MAML3: variants seen among roughly 807,000 people sequenced by gnomAD.
MAML3 encodes mastermind-like protein 3.
MAML3 carries 27 observed loss-of-function variants against 101.9 expected under a neutral mutation model. The observed-to-expected ratio is 0.27, with a 90% CI of 0.20 to 0.37. The LOEUF is 0.37. Ranked by LOEUF, MAML3 falls within the 10% of genes least tolerant of loss-of-function variation. The probability of loss-of-function intolerance (pLI) is 1.00; values close to 1 mark genes in which losing one functional copy is unlikely to be tolerated. For synonymous variants in MAML3, 501 were observed against 555.9 expected, an observed-to-expected ratio of 0.90 and a Z score of 1.39; for missense variants, 1,316 against 1,444.9, an observed-to-expected ratio of 0.91 and a Z score of 1.45.
At chr4:139,824,507 G>A (rs964799061) in intron 2 of MAML3, among the ~76,000 whole-genome samples, 1 of 152,176 alleles carries the variant, frequency 6.6e-6, no homozygotes, top group African/African-American at 2.4e-5. Context: ...TATACAGATG[G>A]CTCTCTTAGG....
chr4:139,874,805 C>CTTTTTTTT (rs35089838), intron 2 of MAML3, among the ~76,000 whole-genome samples: 1 of 133,118 alleles, frequency 7.5e-6, no homozygotes, highest in Non-Finnish European at 1.6e-5. Flanking sequence ...CCTATCTTTC[C>CTTTTTTTT]TTTTTTTTTT....
chr4:139,719,227 C>CA lies in MAML3; in HGVS notation c.*95dup, dbSNP rs1333884299. On this transcript the variant is annotated 3_prime_UTR_variant, in exon 5 of 5. Transcript: ENST00000509479. ...GCAGTTTTGCTCAGTTTACGTGGGT[C>CA]AAAAAAACAAAAAACAAGGATGGGT... 1.1e-4 allele frequency: 156 copies of CA among 1,431,304 alleles called. 2 individuals are homozygous for CA. The South Asian group carries it at 1.7e-3, about 16-fold the overall frequency. 88.7% of individuals were successfully genotyped at this position (1,431,304 alleles called of 1,614,324 possible).
intron 2 of MAML3, among the ~76,000 whole-genome samples, chr4:139,746,974 G>T (rs1729346597): frequency 6.6e-6 from 1 of 152,146 alleles, no homozygotes; most frequent in Non-Finnish European, 1.5e-5. Flanking sequence ...TGGGCCACCG[G>T]CCGTGGCTTT....
intron 1 of MAML3, among the ~76,000 whole-genome samples, chr4:140,061,256 C>T (rs1300033276): frequency 6.6e-6 from 1 of 152,218 alleles, no homozygotes; most frequent in East Asian, 1.9e-4. Flanking sequence ...AAAGAAAACA[C>T]AGTCCCTAAG....
chr4:139,899,510 TGCGTGTCGG>T (rs768769410), intron 1 of MAML3, among the ~76,000 whole-genome samples: 80 of 152,354 alleles, frequency 5.3e-4, no homozygotes, highest in Non-Finnish European at 1.0e-3. Flanking sequence ...GCTCTGTGTC[TGCGTGTCGG>T]GCTCTGCGCC....
Position 139,889,782 on chromosome 4 carries a change from G to T in MAML3, c.1654C>A (p.Pro552Thr). 1 of 1,613,948 alleles carries T rather than the reference G, an allele frequency of 6.2e-7. No homozygotes were observed. Among genetic ancestry groups the T allele is most frequent in the Non-Finnish European group, 8.5e-7 (1 of 1,179,882 alleles). Residue 552 changes from proline (P) to threonine (T), a missense_variant, in exon 2 of 5, where the codon CCT (proline) becomes ACT (threonine). Pro to Thr is a conservative substitution (Grantham distance 38). Transcript: ENST00000509479. ...MYPQAFNNQNPIVPPMANNLQ... is the reference protein window; with the variant it reads ...MYPQAFNNQNTIVPPMANNLQ... ...TTGTTTGCCATTGGAGGCACTATAG[G>T]GTTTTGGTTGTTAAAGGCTTGGGGG... is the stretch of plus-strand genomic sequence containing the variant.
At chr4:139,837,626 A>G (rs1354303539) in intron 2 of MAML3, among the ~76,000 whole-genome samples, 1 of 152,154 alleles carries the variant, frequency 6.6e-6, no homozygotes, top group African/African-American at 2.4e-5. Context: ...TTATAATACT[A>G]TTATAAGGAT....
intron 1 of MAML3, among the ~76,000 whole-genome samples, chr4:140,020,713 G>A (rs1476262233): frequency 2.6e-5 from 4 of 152,100 alleles, no homozygotes. Flanking sequence ...AGGGTGAAGA[G>A]TCTTATTAAA....
intron 1 of MAML3, among the ~76,000 whole-genome samples, chr4:140,002,225 C>T (rs963196443): frequency 2.6e-5 from 4 of 152,170 alleles, no homozygotes; most frequent in Non-Finnish European, 4.4e-5. Flanking sequence ...ACCATACTCC[C>T]AACTCCTGGT....
chr4:139,823,466 T>G lies in MAML3; in HGVS notation c.2079+65891A>C, dbSNP rs1026139823. On this transcript the variant is annotated intron_variant, in intron 2 of 4. Coordinates refer to ENST00000509479, the MANE Select transcript of MAML3 (RefSeq NM_018717.5). The stretch of plus-strand genomic sequence containing the variant: ...AAGGCCATGAACTGTGACTGCTGCC[T>G]GTGTCACTTCTCTTGTGGGTCTGCA... Among the ~76,000 whole-genome samples, 3 of 152,334 alleles carry G rather than the reference T, an allele frequency of 2.0e-5. No homozygotes were observed. In the East Asian group the frequency reaches 5.8e-4, roughly 29 times the overall value.
chr4:140,087,381 A>T (rs1460109567), intron 1 of MAML3, among the ~76,000 whole-genome samples: 1 of 152,212 alleles, frequency 6.6e-6, no homozygotes, highest in African/African-American at 2.4e-5. Flanking sequence ...TTGCCTTGAC[A>T]TTCTGTTATT....
intron 1 of MAML3, among the ~76,000 whole-genome samples, chr4:139,956,209 T>C (rs1284776665): frequency 6.6e-6 from 1 of 152,204 alleles, no homozygotes; most frequent in Non-Finnish European, 1.5e-5. Flanking sequence ...TTCACGGATA[T>C]GAGAGGATCA....
At chr4:140,000,600 C>T (rs78744139) in intron 1 of MAML3, among the ~76,000 whole-genome samples, 6,299 of 152,268 alleles carry the variant, frequency 0.041, 225 homozygotes, top group South Asian at 0.18. Flanking sequence ...TTACCCAAAC[C>T]TTTATCCCAG....
At chr4:139,947,844 G>A (rs1733758714) in intron 1 of MAML3, among the ~76,000 whole-genome samples, 1 of 152,150 alleles carries the variant, frequency 6.6e-6, no homozygotes, top group Non-Finnish European at 1.5e-5. Flanking sequence ...ACTCACTCCT[G>A]TAATCCCAGC....
chr4:139,855,123 G>A (rs558971702), intron 2 of MAML3, among the ~76,000 whole-genome samples: 47 of 152,282 alleles, frequency 3.1e-4, no homozygotes, highest in African/African-American at 9.9e-4. Flanking sequence ...ATGTTCAGAC[G>A]TCTGCAGTTT....
At chr4:140,057,969 T>C (rs1727380456) in intron 1 of MAML3, among the ~76,000 whole-genome samples, 1 of 151,770 alleles carries the variant, frequency 6.6e-6, no homozygotes, top group Non-Finnish European at 1.5e-5. Context: ...TTGTGGGGTT[T>C]TTTTTTTCAA....
intron 1 of MAML3, among the ~76,000 whole-genome samples, chr4:139,970,976 C>A (rs895918133): frequency 6.6e-6 from 1 of 152,064 alleles, no homozygotes; most frequent in African/African-American, 2.4e-5. Flanking sequence ...ATAAAAAATC[C>A]AAATTTCCTG....
chr4:139,821,571 G>A (rs1384368227), intron 2 of MAML3, among the ~76,000 whole-genome samples: 1 of 152,208 alleles, frequency 6.6e-6, no homozygotes, highest in Non-Finnish European at 1.5e-5. Context: ...TAGGCAGCAA[G>A]CTAACCTAAG....
intron 2 of MAML3, among the ~76,000 whole-genome samples, chr4:139,805,977 T>G (rs1315161589): frequency 7.9e-5 from 12 of 152,138 alleles, no homozygotes; most frequent in Non-Finnish European, 1.5e-4. Flanking sequence ...TAAGGGGGGA[T>G]ATCTGAAGTT....
Sources: gnomAD v4.1 joint callset for allele counts (sites outside exome capture counted in the v4.1 genomes callset) on GRCh38, gnomAD v4.1.1 for gene constraint, MANE v1.5 for transcripts, NCBI Gene and HGNC (gene_info 2026-07-23, HGNC 2026-07-21) for gene names.